The following TRPM1 variants were observed in gnomAD, a reference collection of about 807,000 sequenced individuals.
TRPM1 encodes the protein TRPM1-203 APA Isoform, Intron 10.
Under a neutral mutation model 149.4 loss-of-function variants are expected in TRPM1, and 113 were observed. The ratio of observed to expected loss-of-function variants is 0.76; its 90% CI spans 0.65 to 0.88. The LOEUF (loss-of-function observed/expected upper bound fraction) is 0.88, where lower values mean the gene tolerates loss of function less well. Among genes scored for constraint, TRPM1 ranks in the 40% least tolerant of loss-of-function variants. TRPM1 has a pLI of 0.00. For missense variants in TRPM1, 1,976 were observed against 2,038.7 expected (o/e 0.97, Z 0.59); for synonymous variants, 741 against 759.5 (o/e 0.98, Z 0.40).
At chr15:31,149,710 G>A (rs561934431) in intron 1 of TRPM1, among the ~76,000 whole-genome samples, 24 of 152,082 alleles carry the variant, frequency 1.6e-4, no homozygotes, top group Admixed American at 2.6e-4. Context: ...TAGTAGAGAC[G>A]GGGTTTCACC....
intron 15 of TRPM1, 140 bp from the exon 16 acceptor site, chr15:31,046,373 A>G (rs2033764221): frequency 1.2e-6 from 1 of 802,710 alleles, no homozygotes; most frequent in Non-Finnish European, 2.1e-6. Context: ...GATAATATCC[A>G]AGGAAAAGAA....
intron 3 of TRPM1, among the ~76,000 whole-genome samples, chr15:31,074,199 T>A (rs1473951875): frequency 6.6e-6 from 1 of 152,140 alleles, no homozygotes; most frequent in Admixed American, 6.5e-5. Flanking sequence ...ATCTGGGTAG[T>A]ACTGGCCTCA....
chr15:31,011,980 C>T (rs1485405701), intron 27 of TRPM1, among the ~76,000 whole-genome samples: 1 of 152,072 alleles, frequency 6.6e-6, no homozygotes, highest in Non-Finnish European at 1.5e-5. Context: ...CAATTATTTT[C>T]AATAATATAC....
intron 1 of TRPM1, among the ~76,000 whole-genome samples, chr15:31,123,489 C>T (rs1423083861): frequency 6.6e-6 from 1 of 152,072 alleles, no homozygotes; most frequent in Non-Finnish European, 1.5e-5. Context: ...AATAAGAAAA[C>T]AAATAGCCCA....
At position 31,006,185 on chromosome 15, in the gene TRPM1, C is replaced by CT. The variant is rs1231278074; in HGVS notation, c.3630-3116dup. Among the ~76,000 whole-genome samples the CT allele has an allele frequency of 1.0e-3, 149 of 148,912 alleles. 1 individual carries two copies. Among genetic ancestry groups the CT allele is most frequent in the African/African-American group, 2.2e-3 (89 of 40,772 alleles). On this transcript the variant is annotated intron_variant, in intron 27 of 27. Transcript: ENST00000256552. ...TTAAAGATTTCTTTTCTTTTCTTTT[C>CT]TTTTTTTTTTGAGACGGAGTCTTGC... is the stretch of plus-strand genomic sequence containing the variant.
At chr15:31,119,636 T>A (rs878929015) in intron 1 of TRPM1, among the ~76,000 whole-genome samples, 1 of 150,566 alleles carries the variant, frequency 6.6e-6, no homozygotes, top group Admixed American at 6.6e-5. Flanking sequence ...ATCTAACAGA[T>A]AACTGTTTGT....
chr15:31,033,602 C>T (rs781377187), intron 21 of TRPM1, among the ~76,000 whole-genome samples: 2 of 152,216 alleles, frequency 1.3e-5, no homozygotes, highest in Non-Finnish European at 2.9e-5. Context: ...CCAGGTGGTA[C>T]CCCTTCAGTT....
rs970656779 is a variant in TRPM1 at position 31,138,925 on chromosome 15, T to TA, written c.54+21980dup. The stretch of plus-strand genomic sequence containing the variant: ...AATAAATTGGCTTGAAGTTTACATT[T>TA]AAAAAAAAAATGACTTACCTTTGTA... On this transcript the variant is annotated intron_variant, in intron 1 of 26. Coordinates refer to the TRPM1 transcript ENST00000542188. 5.3e-5 allele frequency among the ~76,000 whole-genome samples: 8 copies of TA among 149,906 alleles called. No homozygotes were observed. The South Asian group carries it at 8.5e-4, about 16-fold the overall frequency.
At chr15:31,099,403 A>G (rs543728203) in intron 1 of TRPM1, among the ~76,000 whole-genome samples, 1 of 152,210 alleles carries the variant, frequency 6.6e-6, no homozygotes, top group East Asian at 1.9e-4. Context: ...ACACACCCAG[A>G]CACACACACA....
In TRPM1 at chr15:31,152,135, A is replaced by C. The variant is rs565276086; in HGVS notation, c.54+8771T>G. 2.6e-5 allele frequency among the ~76,000 whole-genome samples: 4 copies of C among 152,314 alleles called. No individual in the cohort carries two copies. The South Asian group carries it at 8.3e-4, about 32-fold the overall frequency. On this transcript the variant is annotated intron_variant, in intron 1 of 26. Transcript: ENST00000542188. ...GGTCCTCTATAGCACACCCTACCCC[A>C]ACTCAAGGGTCCTTGAACCCATCAC... is the stretch of plus-strand genomic sequence containing the variant.
chr15:31,097,209 G>C (rs1183305496), intron 1 of TRPM1, among the ~76,000 whole-genome samples: 1 of 152,116 alleles, frequency 6.6e-6, no homozygotes, highest in African/African-American at 2.4e-5. Context: ...GCCCTCCAGT[G>C]GGAGCAGGTA....
At chr15:31,031,254 G>A in intron 22 of TRPM1, 97 bp from the exon 23 acceptor site, 1 of 1,370,732 alleles carries the variant, frequency 7.3e-7, no homozygotes, top group South Asian at 1.2e-5. Flanking sequence ...CACTTCACGA[G>A]TGCTTAATTA....
intron 1 of TRPM1, among the ~76,000 whole-genome samples, chr15:31,113,769 G>A (rs570736965): frequency 4.5e-4 from 68 of 152,296 alleles, no homozygotes; most frequent in African/African-American, 1.6e-3. Context: ...CCCGGTGAGT[G>A]TTACAGCTCT....
chr15:31,089,138 AG>A (rs1379945817), intron 1 of TRPM1, among the ~76,000 whole-genome samples: 1 of 152,232 alleles, frequency 6.6e-6, no homozygotes, highest in Non-Finnish European at 1.5e-5. Context: ...TGGAAACTGA[AG>A]ACAGGCTGCT....
intron 1 of TRPM1, among the ~76,000 whole-genome samples, chr15:31,082,078 C>G (rs2034874013): frequency 6.6e-6 from 1 of 152,146 alleles, no homozygotes. Context: ...AGTTTCAGTG[C>G]AACGATAACG....
At chr15:31,113,535 T>C (rs537067390) in intron 1 of TRPM1, among the ~76,000 whole-genome samples, 7 of 151,746 alleles carry the variant, frequency 4.6e-5, no homozygotes, top group African/African-American at 1.5e-4. Context: ...AAAACATTTT[T>C]CTTTGTACTC....
intron 1 of TRPM1, among the ~76,000 whole-genome samples, chr15:31,115,527 T>G (rs986731666): frequency 1.3e-5 from 2 of 152,128 alleles, no homozygotes; most frequent in Non-Finnish European, 1.5e-5. Flanking sequence ...AAGCTGTAAT[T>G]GATGAATTTC....
At chr15:31,117,390 G>A (rs2035813798) in intron 1 of TRPM1, among the ~76,000 whole-genome samples, 5 of 152,272 alleles carry the variant, frequency 3.3e-5, no homozygotes, top group Non-Finnish European at 7.4e-5. Flanking sequence ...GGATGCTGAG[G>A]CAGGAGAATT....
chr15:31,136,308 C>T (rs1409646916), intron 1 of TRPM1, among the ~76,000 whole-genome samples: 2 of 152,174 alleles, frequency 1.3e-5, no homozygotes, highest in African/African-American at 4.8e-5. Context: ...CTGTCTCTCC[C>T]ACACCAGCCC....
Sources: allele counts gnomAD v4.1 joint callset (sites outside exome capture counted in the v4.1 genomes callset), GRCh38; gene constraint gnomAD v4.1.1; transcripts MANE v1.5; gene names NCBI Gene and HGNC (gene_info 2026-07-23, HGNC 2026-07-21).